Variants in SYTL4 observed in about 807,000 individuals in gnomAD.
SYTL4 encodes the protein synaptotagmin-like protein 4.
A neutral mutation model predicts 52.7 loss-of-function variants in SYTL4; 16 were observed. The ratio of observed to expected loss-of-function variants is 0.30; its 90% confidence interval spans 0.21 to 0.46. The LOEUF (loss-of-function observed/expected upper bound fraction) is 0.46. Among genes scored for constraint, SYTL4 ranks in the 20% least tolerant of loss-of-function variants. The probability of loss-of-function intolerance (pLI) is 1.00; values close to 1 mark genes in which losing one functional copy is unlikely to be tolerated. For synonymous variants in SYTL4, 160 were observed against 186.6 expected (o/e 0.86, Z 1.16); for missense variants, 423 against 519.9 (o/e 0.81, Z 1.81).
chrX:100,715,726 G>A (rs2084188775), intron 2 of SYTL4, among the ~76,000 whole-genome samples: 1 of 109,089 alleles, frequency 9.2e-6, no homozygotes, highest in African/African-American at 3.3e-5. Context: ...TTTGAGACCA[G>A]CCTGGACTAC....
Position 100,717,396 on chromosome X carries a change from T to C in SYTL4, c.-239-12510A>G, listed in dbSNP as rs138361380. Among the ~76,000 whole-genome samples the C allele has an allele frequency of 2.4e-4, 27 of 112,950 alleles. No individual in the cohort carries two copies. The East Asian group carries it at 6.4e-3, about 27-fold the overall frequency. ...CACATGAACTGATTGTAAATTAATG[T>C]TTTTCAGCTGGATAAGCAGGAGAAC... On this transcript the variant is annotated intron_variant, in intron 2 of 19. Coordinates refer to ENST00000372989, the MANE Select transcript of SYTL4 (RefSeq NM_001370165.1).
At chrX:100,705,968 G>A (rs5967172) in intron 2 of SYTL4, among the ~76,000 whole-genome samples, 30,439 of 109,675 alleles carry the variant, frequency 0.28, 3,558 homozygotes, top group East Asian at 0.53. Flanking sequence ...TGGTCCACTT[G>A]CCTTCTGCTG....
At chrX:100,690,990 G>C in intron 9 of SYTL4, 118 bp downstream of exon 9, 1 of 541,003 alleles carries the variant, frequency 1.8e-6, no homozygotes, top group Non-Finnish European at 3.1e-6. Flanking sequence ...GACTTCTGTT[G>C]AGGACAGAGA....
At chrX:100,719,734 C>T (rs137932101) in intron 2 of SYTL4, among the ~76,000 whole-genome samples, 212 of 111,209 alleles carry the variant, frequency 1.9e-3, no homozygotes, top group African/African-American at 6.8e-3. Context: ...ACTAAAATGC[C>T]TCTTTTGTTA....
At chrX:100,704,704 G>C (rs1725430809) in intron 3 of SYTL4, 107 bp downstream of exon 3, 1 of 111,741 alleles carries the variant, frequency 8.9e-6, no homozygotes, top group African/African-American at 3.3e-5. Flanking sequence ...CACAGGGCTG[G>C]ACCTCAGGAA....
chrX:100,703,494 A>G (rs937292080), intron 3 of SYTL4, among the ~76,000 whole-genome samples: 1 of 112,416 alleles, frequency 8.9e-6, no homozygotes, highest in African/African-American at 3.2e-5. Context: ...TATTATAGCT[A>G]TATCGCTCTA....
chrX:100,714,704 A>C (rs2084164984), intron 2 of SYTL4, among the ~76,000 whole-genome samples: 1 of 112,396 alleles, frequency 8.9e-6, no homozygotes, highest in South Asian at 3.7e-4. Context: ...GAACAGCAAT[A>C]AAATGTTTGC....
chrX:100,723,088 C>A (rs954024215), intron 2 of SYTL4, among the ~76,000 whole-genome samples: 2 of 110,546 alleles, frequency 1.8e-5, no homozygotes, highest in Non-Finnish European at 3.8e-5. Context: ...TCAAAGGAAA[C>A]TGACTAGTTA....
chrX:100,676,588 G>A (rs988078651), intron 19 of SYTL4, among the ~76,000 whole-genome samples: 1 of 111,629 alleles, frequency 9.0e-6, no homozygotes, highest in Admixed American at 9.5e-5. Context: ...GGGTTCAAGC[G>A]ATTCTCCCGC....
At chrX:100,710,799 A>G (rs779685742) in intron 2 of SYTL4, among the ~76,000 whole-genome samples, 6 of 112,061 alleles carry the variant, frequency 5.4e-5, no homozygotes, top group South Asian at 3.8e-4. Flanking sequence ...AGAGTCTGGG[A>G]AAAAAACCAG....
At chrX:100,709,829 T>C (rs185537761) in intron 2 of SYTL4, among the ~76,000 whole-genome samples, 8 of 112,599 alleles carry the variant, frequency 7.1e-5, no homozygotes, top group Non-Finnish European at 1.3e-4. Context: ...TTATTTTCTT[T>C]TAAAGAATGC....
chrX:100,723,466 A>G (rs2084387163), intron 2 of SYTL4, among the ~76,000 whole-genome samples: 1 of 111,837 alleles, frequency 8.9e-6, no homozygotes, highest in Non-Finnish European at 1.9e-5. Context: ...ATCTCGGCTC[A>G]CTACAACCTC....
chrX:100,713,446 A>G (rs2084117366), intron 2 of SYTL4, among the ~76,000 whole-genome samples: 1 of 109,736 alleles, frequency 9.1e-6, no homozygotes, highest in South Asian at 4.0e-4. Context: ...ACTCCGTCTC[A>G]AAAGAAAACA....
chrX:100,730,239 C>T (rs2084614290), intron 2 of SYTL4, among the ~76,000 whole-genome samples: 1 of 111,491 alleles, frequency 9.0e-6, no homozygotes, highest in African/African-American at 3.3e-5. Context: ...TGGCAACTGG[C>T]CCATGTTGGA....
intron 2 of SYTL4, among the ~76,000 whole-genome samples, chrX:100,730,294 C>T (rs1487987710): frequency 2.7e-5 from 3 of 111,156 alleles, no homozygotes; most frequent in Non-Finnish European, 3.8e-5. Context: ...TCCATAGTCT[C>T]GGCAGTGCAT....
At position 100,675,137 on chromosome X, in the gene SYTL4, A is replaced by ATC. The variant is rs1421199086; in HGVS notation, c.*889_*890dup. On this transcript the variant is annotated 3_prime_UTR_variant, in exon 20 of 20. Coordinates refer to ENST00000372989, the MANE Select transcript of SYTL4 (RefSeq NM_001370165.1). ...AGATGTGGTACATGAGGATGAATAT[A>ATC]TCTCATCTTTCATTCGAGAAATGAG... 7.1e-5 allele frequency: 8 copies of ATC among 112,172 alleles called. No homozygotes were observed. Among genetic ancestry groups the ATC allele is most frequent in the African/African-American group, 2.6e-4 (8 of 30,724 alleles). The allele number at this position is 112,172 out of a possible 1,213,427, so 9.2% of individuals were successfully genotyped here.
chrX:100,688,723 C>T (rs913278226), intron 12 of SYTL4, among the ~76,000 whole-genome samples: 4 of 109,518 alleles, frequency 3.7e-5, no homozygotes, highest in Non-Finnish European at 7.6e-5. Context: ...CGCCACCACA[C>T]CTGGCTAATT....
Position 100,714,361 on chromosome X carries a change from G to A in SYTL4, c.-239-9475C>T, listed in dbSNP as rs182579428. 4.8e-3 allele frequency among the ~76,000 whole-genome samples: 519 copies of A among 108,432 alleles called. 5 individuals carry two copies. Among genetic ancestry groups the A allele is most frequent in the African/African-American group, 0.017 (492 of 29,506 alleles). The allele number at this position is 108,432 out of a possible 115,157, so 94.2% of individuals were successfully genotyped here. ...TGCAAGCTCCGCCTCCTGGGTTCAC[G>A]CCATTCTCCTGCCTCAGCCTCCCGA... is the stretch of plus-strand genomic sequence containing the variant. On this transcript the variant is annotated intron_variant, in intron 2 of 19. Coordinates refer to ENST00000372989, the MANE Select transcript of SYTL4 (RefSeq NM_001370165.1).
intron 2 of SYTL4, among the ~76,000 whole-genome samples, chrX:100,707,683 T>G (rs2083985311): frequency 9.0e-6 from 1 of 111,685 alleles, no homozygotes; most frequent in African/African-American, 3.3e-5. Flanking sequence ...TACTCCCAAT[T>G]TATGGCTACT....
Sources: allele counts gnomAD v4.1 joint callset (sites outside exome capture counted in the v4.1 genomes callset), GRCh38; gene constraint gnomAD v4.1.1; transcripts MANE v1.5; gene names NCBI Gene and HGNC (gene_info 2026-07-23, HGNC 2026-07-21).